Variants in SFSWAP observed in about 807,000 individuals in gnomAD.
The protein encoded by SFSWAP is splicing factor, suppressor of white-apricot homolog.
A neutral mutation model predicts 100.7 loss-of-function variants in SFSWAP; 17 were observed. The ratio of observed to expected loss-of-function variants is 0.17; its 90% CI spans 0.12 to 0.25. The LOEUF is 0.25. Ranked by LOEUF, SFSWAP falls within the 10% of genes least tolerant of loss-of-function variation. The probability of loss-of-function intolerance (pLI) is 1.00; values close to 1 mark genes in which losing one functional copy is unlikely to be tolerated. For missense variants in SFSWAP, 1,005 were observed against 1,262.6 expected (o/e 0.80, Z 3.09); for synonymous variants, 504 against 510.1 (o/e 0.99, Z 0.16).
At chr12:131,796,232 G>A (rs1326009273) in intron 15 of SFSWAP, 1 of 152,312 alleles carries the variant, frequency 6.6e-6, no homozygotes, top group African/African-American at 2.4e-5. Context: ...TCACAGGAAG[G>A]GCTCAGGCCT....
intron 13 of SFSWAP, among the ~76,000 whole-genome samples, chr12:131,768,038 C>T (rs750593931): frequency 7.2e-5 from 11 of 152,264 alleles, no homozygotes; most frequent in Admixed American, 1.3e-4. Flanking sequence ...CGATTGCATG[C>T]GCGTGCTCGC....
intron 3 of SFSWAP, among the ~76,000 whole-genome samples, chr12:131,716,984 C>T (rs1396008308): frequency 6.6e-6 from 1 of 152,076 alleles, no homozygotes; most frequent in East Asian, 1.9e-4. Context: ...TTTCTGTAAT[C>T]GTGTTCTCAG....
In SFSWAP at chr12:131,786,493, C is replaced by G; in HGVS notation, c.2439C>G (p.Ala813=). 2 of 1,586,366 alleles carry G rather than the reference C, an allele frequency of 1.3e-6. No homozygotes were observed. The highest frequency in any genetic ancestry group is 1.7e-6 in the Non-Finnish European group (2 of 1,167,302). The change falls in exon 15 of 18, where the codon GCC becomes GCG. Residue 813 remains alanine, a synonymous_variant. Coordinates refer to ENST00000261674, the MANE Select transcript of SFSWAP (RefSeq NM_004592.4). The part of the protein sequence containing the change: ...RSRSRSPRRR[A]HSPERRREER... Reference sequence around the variant, plus strand: ...GCTCCCGGTCCCCTCGGAGGAGAGCCCACTCCCCTGAGAGACGGAGGGAAG... The same window carrying G: ...GCTCCCGGTCCCCTCGGAGGAGAGCGCACTCCCCTGAGAGACGGAGGGAAG...
chr12:131,728,868 AT>A (rs1879243112), intron 7 of SFSWAP, among the ~76,000 whole-genome samples: 1 of 151,828 alleles, frequency 6.6e-6, no homozygotes, highest in East Asian at 1.9e-4. Context: ...GCTAATTTTG[AT>A]TTTTTGATAG....
chr12:131,742,300 C>G (rs993570626), intron 7 of SFSWAP, among the ~76,000 whole-genome samples: 4 of 152,156 alleles, frequency 2.6e-5, no homozygotes, highest in Admixed American at 2.6e-4. Flanking sequence ...ACCCACAACT[C>G]TCTGGAACCT....
At chr12:131,720,456 G>T (rs1184497650) in intron 4 of SFSWAP, among the ~76,000 whole-genome samples, 1 of 152,188 alleles carries the variant, frequency 6.6e-6, no homozygotes, top group Non-Finnish European at 1.5e-5. Flanking sequence ...TCTTTTTGTT[G>T]TGTGTGTATA....
chr12:131,792,507 G>A (rs1885334886), intron 15 of SFSWAP, among the ~76,000 whole-genome samples: 1 of 147,472 alleles, frequency 6.8e-6, no homozygotes, highest in Non-Finnish European at 1.5e-5. Flanking sequence ...AGTACTGTGT[G>A]TGCATACGTG....
chr12:131,759,801 CAA>C (rs1217940125), intron 11 of SFSWAP, among the ~76,000 whole-genome samples: 47 of 86,710 alleles, frequency 5.4e-4, no homozygotes, highest in Admixed American at 4.4e-3. Context: ...GACTCCGTCT[CAA>C]AAAAAAAAAA....
chr12:131,765,480 C>T (rs901401089), intron 12 of SFSWAP, among the ~76,000 whole-genome samples: 4 of 152,118 alleles, frequency 2.6e-5, no homozygotes, highest in Non-Finnish European at 5.9e-5. Context: ...GAGACCCCAT[C>T]TCTACTGAAA....
Position 131,779,208 on chromosome 12 carries a change from T to TGTGTGAAGAGGGCGGCGCGGGTGAGC in SFSWAP, c.2408+883_2408+884insAAGAGGGCGGCGCGGGTGAGCGTGTG, listed in dbSNP as rs1884275599. 2.2e-3 allele frequency among the ~76,000 whole-genome samples: 138 copies of TGTGTGAAGAGGGCGGCGCGGGTGAGC among 64,006 alleles called. 2 individuals carry two copies. The highest frequency in any genetic ancestry group is 4.1e-3 in the Admixed American group (26 of 6,278). The allele number at this position is 64,006 out of a possible 152,430, so 42.0% of individuals were successfully genotyped here. A position where few individuals can be genotyped will look rare whatever the true frequency, so the allele number is the denominator to read the frequency against. On this transcript the variant is annotated intron_variant, in intron 14 of 17. Coordinates refer to ENST00000261674, the MANE Select transcript of SFSWAP (RefSeq NM_004592.4). ...GTGTGAAGAGGGCAGCGCGGATGAG[T>TGTGTGAAGAGGGCGGCGCGGGTGAGC]GTGTGTGAAGAGGGCGGCGCGGGTG... is the stretch of plus-strand genomic sequence containing the variant.
intron 8 of SFSWAP, 32 bp from the exon 9 acceptor site, chr12:131,754,336 G>C: frequency 6.7e-7 from 1 of 1,482,202 alleles, no homozygotes; most frequent in East Asian, 2.5e-5. Context: ...AGCCCCTGAA[G>C]CCCAGGGGTC....
At chr12:131,779,597 C>G (rs1222001635) in intron 14 of SFSWAP, among the ~76,000 whole-genome samples, 2 of 149,866 alleles carry the variant, frequency 1.3e-5, no homozygotes, top group Non-Finnish European at 3.0e-5. Context: ...TCCTCGGTTT[C>G]TCTAACGCCG....
At chr12:131,747,023 C>T (rs563526250) in intron 7 of SFSWAP, among the ~76,000 whole-genome samples, 1 of 148,892 alleles carries the variant, frequency 6.7e-6, no homozygotes, top group Non-Finnish European at 1.5e-5. Context: ...AGAATGGCAT[C>T]AACCCGGGAG....
At chr12:131,777,281 A>G (rs1884101737) in intron 13 of SFSWAP, among the ~76,000 whole-genome samples, 1 of 152,066 alleles carries the variant, frequency 6.6e-6, no homozygotes, top group African/African-American at 2.4e-5. Flanking sequence ...TCCTAATGCT[A>G]TCCCTCCCCG....
At chr12:131,740,966 C>CTTTTTTTTTTTTTTTTTTTTTTTTTTAT (rs60047663) in intron 7 of SFSWAP, among the ~76,000 whole-genome samples, 1 of 70,148 alleles carries the variant, frequency 1.4e-5, no homozygotes, top group African/African-American at 5.8e-5. Flanking sequence ...TCTTTTTTTT[C>CTTTTTTTTTTTTTTTTTTTTTTTTTTAT]TTTTTTTTTT....
chr12:131,776,295 A>G (rs1884018234), intron 13 of SFSWAP, among the ~76,000 whole-genome samples: 1 of 152,278 alleles, frequency 6.6e-6, no homozygotes, highest in South Asian at 2.1e-4. Context: ...TCAGATCCCA[A>G]GGAGGAATTC....
At chr12:131,798,916 C>A in intron 16 of SFSWAP, 121 bp from the exon 17 acceptor site, 1 of 695,346 alleles carries the variant, frequency 1.4e-6, no homozygotes. Flanking sequence ...ATACTGGAAG[C>A]AGATGCAGTG....
intron 13 of SFSWAP, among the ~76,000 whole-genome samples, chr12:131,774,835 T>C (rs1449984653): frequency 1.3e-5 from 2 of 152,170 alleles, no homozygotes; most frequent in East Asian, 1.9e-4. Context: ...TGATTCAGAT[T>C]GTCCCGTCGC....
chr12:131,774,919 A>C (rs547921929), intron 13 of SFSWAP, among the ~76,000 whole-genome samples: 3 of 152,306 alleles, frequency 2.0e-5, no homozygotes, highest in African/African-American at 7.2e-5. Flanking sequence ...AGTTAGGATA[A>C]AGGCAAAAAA....
Sources: gnomAD v4.1 joint callset for allele counts (sites outside exome capture counted in the v4.1 genomes callset) on GRCh38, gnomAD v4.1.1 for gene constraint, MANE v1.5 for transcripts, NCBI Gene and HGNC (gene_info 2026-07-23, HGNC 2026-07-21) for gene names.